SLC29A2: variants seen among roughly 807,000 people sequenced by gnomAD.
The protein encoded by SLC29A2 is solute carrier family 29 member 2.
SLC29A2 carries 37 observed loss-of-function variants against 48.8 expected under a neutral mutation model. The observed-to-expected ratio is 0.76, with a 90% CI of 0.58 to 1.00. The LOEUF is 1.00. Ranked by LOEUF, SLC29A2 falls within the 50% of genes least tolerant of loss-of-function variation. The pLI, the probability that SLC29A2 is intolerant of heterozygous loss-of-function variation, is 0.00. For synonymous variants in SLC29A2, 233 were observed against 261.7 expected (o/e 0.89, Z 1.06); for missense variants, 533 against 578.6 (o/e 0.92, Z 0.81).
At position 66,363,235 on chromosome 11, in the gene SLC29A2, G is replaced by A. The variant is rs1308871572; in HGVS notation, c.*201C>T. 7.9e-6 allele frequency: 5 copies of A among 631,384 alleles called. No homozygotes were observed. In the African/African-American group the frequency reaches 9.1e-5, roughly 11 times the overall value. The allele number at this position is 631,384 out of a possible 1,614,324, so 39.1% of individuals were successfully genotyped here. ...GAGTCACCCCCATTCCTGGGTGAGG[G>A]TTAGAATGACCGGTGGTGATTTCTT... On this transcript the variant is annotated 3_prime_UTR_variant, in exon 12 of 12. Transcript: ENST00000357440.
Position 66,369,045 on chromosome 11 carries a change from G to A in SLC29A2, c.415+15C>T, listed in dbSNP as rs766585724. ...CCCTGCATAGGCTGGCTGGAGAGGGGGTGGAGGTGCTCACAGTTGATGAAG... is the reference window on the plus strand; with the variant it reads ...CCCTGCATAGGCTGGCTGGAGAGGGAGTGGAGGTGCTCACAGTTGATGAAG... On this transcript the variant is annotated intron_variant, in intron 4 of 11. Coordinates refer to ENST00000357440, the MANE Select transcript of SLC29A2 (RefSeq NM_001532.3). 2.5e-6 allele frequency: 4 copies of A among 1,595,272 alleles called. No homozygotes were observed. The highest frequency in any genetic ancestry group is 1.7e-5 in the Admixed American group (1 of 57,430).
intron 7 of SLC29A2, 151 bp from the exon 8 acceptor site, chr11:66,366,715 C>T (rs1855720974): frequency 6.1e-6 from 5 of 822,802 alleles, no homozygotes; most frequent in African/African-American, 1.7e-5. Flanking sequence ...TTTGGAAGGC[C>T]GAGGCGGGCA....
chr11:66,368,375 C>A (rs888998439), intron 5 of SLC29A2, among the ~76,000 whole-genome samples, 162 bp downstream of exon 5: 1 of 152,144 alleles, frequency 6.6e-6, no homozygotes, highest in African/African-American at 2.4e-5. Flanking sequence ...CACTGCAGGG[C>A]CCATGAGCCC....
At position 66,367,532 on chromosome 11, in the gene SLC29A2, T is replaced by C. The variant is rs1034976667; in HGVS notation, c.665A>G (p.Tyr222Cys). 6 of 1,614,128 alleles carry C rather than the reference T, an allele frequency of 3.7e-6. No homozygotes were observed. Among genetic ancestry groups the C allele is most frequent in the East Asian group, 2.2e-5 (1 of 44,884 alleles). Residue 222 changes from tyrosine (Y) to cysteine (C), a missense_variant, in exon 7 of 12, where the codon TAC becomes TGC. Physicochemically the swap from Tyr to Cys is radical, Grantham distance 194. Coordinates refer to ENST00000357440, the MANE Select transcript of SLC29A2 (RefSeq NM_001532.3). ...GGCCTGGGATGATTTATTGGCCAGG[T>C]AGTAGCGGGCAAACTTCTGCAGAAG... ...SLPHLKFARY[Y>C]LANKSSQAQA...
chr11:66,363,952 AT>A (rs10648232), intron 11 of SLC29A2, among the ~76,000 whole-genome samples: 1 of 151,330 alleles, frequency 6.6e-6, no homozygotes, highest in South Asian at 2.1e-4. Flanking sequence ...AGTTCAACCC[AT>A]TTTTTTTTAC....
rs1038106635 is a variant in SLC29A2, at chr11:66,369,443, G to A, written c.201C>T (p.Phe67=). Residue 67 remains phenylalanine, a synonymous_variant, in exon 3 of 12, where the codon TTC becomes TTT. Coordinates refer to ENST00000357440, the MANE Select transcript of SLC29A2 (RefSeq NM_001532.3). ...GGGACAGCAGCGTCACCCAATTGTT[G>A]AAGTTGAAGGCATCCTCGGGACCCG... is the stretch of plus-strand genomic sequence containing the variant. ...NHTGPEDAFN[F]NNWVTLLSQL... The A allele has an allele frequency of 5.0e-6, 8 of 1,613,992 alleles. No individual in the cohort carries two copies. Among genetic ancestry groups the A allele is most frequent in the Non-Finnish European group, 6.8e-6 (8 of 1,179,998 alleles).
rs150459418 is a variant in SLC29A2, at chr11:66,367,798, C to A, written c.622G>T (p.Val208Leu). ...TPCVGILMSI[V>L]CYLSLPHLKF... ...AGGTGAGGCAGGCTCAGGTAACACA[C>A]GATGGACATGAGGATGCCCACACAG... Residue 208 changes from valine to leucine, a missense_variant, in exon 6 of 12, where the codon GTG becomes TTG. Coordinates refer to ENST00000357440, the MANE Select transcript of SLC29A2 (RefSeq NM_001532.3). 6.2e-7 allele frequency: 1 copy of A among 1,614,054 alleles called. No individual in the cohort carries two copies. Among genetic ancestry groups the A allele is most frequent in the South Asian group, 1.1e-5 (1 of 91,094 alleles).
intron 3 of SLC29A2, 59 bp from the exon 4 acceptor site, chr11:66,369,258 G>A (rs1435141467): frequency 1.3e-6 from 2 of 1,585,936 alleles, no homozygotes; most frequent in Non-Finnish European, 1.7e-6. Flanking sequence ...GCTGGGGAAG[G>A]AGGCTCGACA....
intron 11 of SLC29A2, among the ~76,000 whole-genome samples, chr11:66,363,979 G>A (rs1007791934): frequency 1.3e-5 from 2 of 152,122 alleles, no homozygotes; most frequent in African/African-American, 4.8e-5. Context: ...GGGAAACTGA[G>A]GCACATTGAG....
intron 2 of SLC29A2, among the ~76,000 whole-genome samples, chr11:66,370,752 G>T (rs968777662): frequency 6.6e-6 from 1 of 152,002 alleles, no homozygotes; most frequent in African/African-American, 2.4e-5. Context: ...CCAGCTACTC[G>T]GGAGGGTGAG....
intron 7 of SLC29A2, 116 bp downstream of exon 7, chr11:66,367,348 T>C: frequency 1.2e-6 from 1 of 858,558 alleles, no homozygotes; most frequent in Non-Finnish European, 2.0e-6. Flanking sequence ...TCTTCCTGTT[T>C]GCACAAGGCT....
chr11:66,364,140 G>T, intron 11 of SLC29A2, 85 bp downstream of exon 11: 1 of 1,141,278 alleles, frequency 8.8e-7, no homozygotes, highest in Non-Finnish European at 1.3e-6. Flanking sequence ...AGGATGGGCC[G>T]TCCCTCCATT....
At chr11:66,369,331 C>T in intron 3 of SLC29A2, 38 bp downstream of exon 3, 1 of 1,613,118 alleles carries the variant, frequency 6.2e-7, no homozygotes, top group Non-Finnish European at 8.5e-7. Context: ...ATGAAGCTGC[C>T]TCGGCAGAGG....
rs1295385452 is a variant in SLC29A2 at position 66,366,631 on chromosome 11, G to A, written c.734-67C>T. On this transcript the variant is annotated intron_variant, in intron 7 of 11. Transcript: ENST00000357440. ...AGGTTTCCCGACAGCCAGGCCCAAC[G>A]AAGGGAGATTCCCAGCAGTTAAAAC... is the stretch of plus-strand genomic sequence containing the variant. 143 of 1,556,798 alleles carry A rather than the reference G, an allele frequency of 9.2e-5. No individual in the cohort carries two copies. The East Asian group carries it at 2.8e-3, about 30-fold the overall frequency.
upstream of SLC29A2, chr11:66,371,934 G>A (rs1360977048): frequency 5.1e-6 from 2 of 390,636 alleles, no homozygotes; most frequent in Non-Finnish European, 9.3e-6. Flanking sequence ...GCAGCCCCCC[G>A]TCCTCTCCGC....
At chr11:66,371,210 G>A (rs1008876908) in intron 2 of SLC29A2, 34 bp downstream of exon 2, 2 of 1,594,188 alleles carry the variant, frequency 1.3e-6, no homozygotes, top group East Asian at 4.5e-5. Flanking sequence ...TGCTGGCTGT[G>A]GCCACGAGGC....
At chr11:66,366,367 T>C in intron 8 of SLC29A2, 64 bp downstream of exon 8, 1 of 1,612,872 alleles carries the variant, frequency 6.2e-7, no homozygotes, top group South Asian at 1.1e-5. Flanking sequence ...CCTATGACCT[T>C]GGAGTCAATG....
rs1003359845 is a variant in SLC29A2 at position 66,362,580 on chromosome 11, G to A, written c.*856C>T. On this transcript the variant is annotated 3_prime_UTR_variant, in exon 12 of 12. Transcript: ENST00000357440. ...GGTCAGAAGGAGAAACAGCAAAAAC[G>A]GGGAGTAAGTGCCCAGGCTCCTGCC... is the stretch of plus-strand genomic sequence containing the variant. The A allele has an allele frequency of 4.6e-5, 7 of 152,222 alleles. No individual in the cohort carries two copies. The highest frequency in any genetic ancestry group is 1.7e-4 in the African/African-American group (7 of 41,438). 9.4% of individuals were successfully genotyped at this position (152,222 alleles called of 1,614,324 possible).
rs200637398 is a variant in SLC29A2, at chr11:66,369,468, G to A, written c.176C>T (p.Thr59Met). 107 of 1,614,080 alleles carry A rather than the reference G, an allele frequency of 6.6e-5. No individual in the cohort carries two copies. In the East Asian group the frequency reaches 6.7e-4, roughly 10 times the overall value. The change falls in exon 3 of 12, where the codon ACG becomes ATG. Residue 59 changes from threonine to methionine, a missense_variant. Coordinates refer to ENST00000357440, the MANE Select transcript of SLC29A2 (RefSeq NM_001532.3). ...GAAGTTGAAGGCATCCTCGGGACCC[G>A]TGTGGTTGGTGCTCAGGATCCTGGC... is the stretch of plus-strand genomic sequence containing the variant. ...STARILSTNH[T>M]GPEDAFNFNN...
Sources: allele counts gnomAD v4.1 joint callset (sites outside exome capture counted in the v4.1 genomes callset), GRCh38; gene constraint gnomAD v4.1.1; transcripts MANE v1.5; gene names NCBI Gene and HGNC (gene_info 2026-07-23, HGNC 2026-07-21).